The following KDM2B variants were observed in gnomAD, a reference collection of about 807,000 sequenced individuals.
KDM2B encodes the protein lysine demethylase 2B, also known as lysine-specific demethylase 2B.
In KDM2B, 26 loss-of-function variants were observed where a neutral mutation model predicts 150.0. The ratio of observed to expected loss-of-function variants is 0.17; its 90% CI spans 0.13 to 0.24. The LOEUF (loss-of-function observed/expected upper bound fraction) is 0.24, where lower values mean the gene tolerates loss of function less well. KDM2B is among the 10% of genes least tolerant of loss of function. KDM2B has a pLI of 1.00. For synonymous variants in KDM2B, 734 were observed against 729.5 expected (o/e 1.01, Z -0.10); for missense variants, 1,265 against 1,816.9 (o/e 0.70, Z 5.52).
At chr12:121,567,446 C>A (rs575704429) in intron 4 of KDM2B, among the ~76,000 whole-genome samples, 2 of 152,120 alleles carry the variant, frequency 1.3e-5, no homozygotes, top group East Asian at 1.9e-4. Flanking sequence ...CTGTGGCTCA[C>A]GCATGCAATT....
chr12:121,561,525 C>T (rs1374036685), intron 4 of KDM2B, among the ~76,000 whole-genome samples: 2 of 152,120 alleles, frequency 1.3e-5, no homozygotes, highest in South Asian at 2.1e-4. Context: ...TGCACCATGG[C>T]GCCTGGCCCC....
intron 14 of KDM2B, 76 bp from the exon 15 acceptor site, chr12:121,444,612 C>G (rs545411740): frequency 4.0e-6 from 5 of 1,239,386 alleles, no homozygotes; most frequent in Non-Finnish European, 5.9e-6. Context: ...TGTGACGCCA[C>G]GTCTTCCAGA....
In KDM2B at chr12:121,453,738, G is replaced by A. The variant is rs557845004; in HGVS notation, c.1735-394C>T. On this transcript the variant is annotated intron_variant, in intron 12 of 22. Transcript: ENST00000377071. The surrounding 1 kb of genome is among the most constrained non-coding windows in gnomAD (Gnocchi z 6.4). Reference sequence around the variant, plus strand: ...GGGGAAGGACCCTCCCCTAGAGCCCGCAGAGCCAGCCCGGCCCGCCAGCCC... The same window carrying A: ...GGGGAAGGACCCTCCCCTAGAGCCCACAGAGCCAGCCCGGCCCGCCAGCCC... Among the ~76,000 whole-genome samples the A allele has an allele frequency of 1.4e-3, 217 of 152,254 alleles. 1 individual carries two copies. The highest frequency in any genetic ancestry group is 4.1e-3 in the Admixed American group (62 of 15,300).
chr12:121,475,190 GT>G (rs1555296536), intron 12 of KDM2B, among the ~76,000 whole-genome samples: 359 of 131,718 alleles, frequency 2.7e-3, no homozygotes, highest in Middle Eastern at 0.015. Flanking sequence ...CTCTGTGTGT[GT>G]GTGTGTGTGT....
chr12:121,544,931 A>C (rs115169614), intron 6 of KDM2B, among the ~76,000 whole-genome samples: 7,383 of 152,156 alleles, frequency 0.049, 311 homozygotes, highest in South Asian at 0.15. Flanking sequence ...AAAATTAAAA[A>C]ATTTTTAAAA....
intron 11 of KDM2B, 129 bp downstream of exon 11, chr12:121,509,438 C>A: frequency 2.0e-6 from 3 of 1,470,238 alleles, no homozygotes; most frequent in Non-Finnish European, 2.7e-6. Context: ...GAAGCCCCCT[C>A]GCAGCGCCCA....
At chr12:121,444,699 G>A in intron 14 of KDM2B, 163 bp from the exon 15 acceptor site, 1 of 654,572 alleles carries the variant, frequency 1.5e-6, no homozygotes, top group East Asian at 2.7e-5. Context: ...GAGGCTGGCA[G>A]AGACGGGCAG....
intron 13 of KDM2B, among the ~76,000 whole-genome samples, chr12:121,449,761 C>T (rs1555291146): frequency 6.6e-6 from 1 of 151,686 alleles, no homozygotes; most frequent in Non-Finnish European, 1.5e-5. Context: ...AAAAAATGCA[C>T]ATCCATGCAT....
At chr12:121,543,109 C>T (rs1274057044) in intron 6 of KDM2B, among the ~76,000 whole-genome samples, 1 of 152,148 alleles carries the variant, frequency 6.6e-6, no homozygotes, top group Non-Finnish European at 1.5e-5. Context: ...AATCCCAGCA[C>T]GTTGGGAGGC....
At chr12:121,551,064 C>A (rs960872044) in intron 4 of KDM2B, among the ~76,000 whole-genome samples, 1 of 152,072 alleles carries the variant, frequency 6.6e-6, no homozygotes, top group Non-Finnish European at 1.5e-5. Flanking sequence ...TACTCTCTGG[C>A]ACTTAACAGA....
chr12:121,485,947 T>C (rs1362339540), intron 12 of KDM2B, among the ~76,000 whole-genome samples: 9 of 151,570 alleles, frequency 5.9e-5, no homozygotes, highest in Non-Finnish European at 1.0e-4. Flanking sequence ...TGGCTAATTT[T>C]TGTATTTTTA....
intron 8 of KDM2B, among the ~76,000 whole-genome samples, chr12:121,531,768 T>C (rs1212024231): frequency 6.6e-6 from 1 of 152,088 alleles, no homozygotes; most frequent in Non-Finnish European, 1.5e-5. Flanking sequence ...TGATTTAACC[T>C]CCAAAGTACA....
Position 121,521,781 on chromosome 12 carries a change from A to G in KDM2B, c.932-681T>C, listed in dbSNP as rs1886707780. On this transcript the variant is annotated intron_variant, in intron 8 of 22. Transcript: ENST00000377071. The surrounding 1 kb of genome is among the most constrained non-coding windows in gnomAD (Gnocchi z 4.9). The stretch of plus-strand genomic sequence containing the variant: ...CAGTTTTTCATCTCTCCAAACTCCT[A>G]GCCTGGAGCCAGACACAGTCACCAT... Among the ~76,000 whole-genome samples, 1 of 152,034 alleles carries G rather than the reference A, an allele frequency of 6.6e-6. No individual in the cohort carries two copies. Among genetic ancestry groups the G allele is most frequent in the Non-Finnish European group, 1.5e-5 (1 of 68,006 alleles).
rs1888204782 is a variant in KDM2B, at chr12:121,537,227, C to CCCCGCT, written c.684-2643_684-2638dup. 2 of 153,008 alleles carry CCCCGCT rather than the reference C, an allele frequency of 1.3e-5. No homozygotes were observed. The highest frequency in any genetic ancestry group is 6.5e-5 in the Admixed American group (1 of 15,296). 9.5% of individuals were successfully genotyped at this position (153,008 alleles called of 1,614,324 possible). ...TCCGGCCCCTGCAGCGACAGGCCACCCCCGCTCCCGCCCCGCGCTGGCTCC... is the reference window on the plus strand; with the variant it reads ...TCCGGCCCCTGCAGCGACAGGCCACCCCCGCTCCCGCTCCCGCCCCGCGCTGGCTCC... On this transcript the variant is annotated intron_variant, in intron 6 of 22. Transcript: ENST00000377071. This position sits in a 1 kb window ranked among gnomAD's most constrained non-coding sequence, Gnocchi z 8.7.
intron 6 of KDM2B, among the ~76,000 whole-genome samples, chr12:121,546,100 T>C (rs1889017226): frequency 6.6e-6 from 1 of 152,180 alleles, no homozygotes; most frequent in Admixed American, 6.6e-5. Flanking sequence ...CTGTGATTAC[T>C]GGATTTACAT....
chr12:121,533,586 G>A lies in KDM2B; in HGVS notation c.778-627C>T, dbSNP rs1440328093. ...CAGTGCAAAATGTTCCTAGAGGCAG[G>A]TGGTGCTGGCAACTAGACTTTAAAG... On this transcript the variant is annotated intron_variant, in intron 7 of 22. Transcript: ENST00000377071. The surrounding 1 kb of genome is among the most constrained non-coding windows in gnomAD (Gnocchi z 4.1). Among the ~76,000 whole-genome samples, 1 of 152,192 alleles carries A rather than the reference G, an allele frequency of 6.6e-6. No homozygotes were observed. Among genetic ancestry groups the A allele is most frequent in the Admixed American group, 6.5e-5 (1 of 15,280 alleles).
intron 11 of KDM2B, among the ~76,000 whole-genome samples, chr12:121,503,554 C>T (rs978411789): frequency 6.6e-6 from 1 of 152,120 alleles, no homozygotes; most frequent in African/African-American, 2.4e-5. Flanking sequence ...TCCAGCCACC[C>T]TCCCACTTTG....
At chr12:121,480,538 G>T (rs1446323314) in intron 12 of KDM2B, among the ~76,000 whole-genome samples, 1 of 143,800 alleles carries the variant, frequency 7.0e-6, no homozygotes, top group African/African-American at 2.6e-5. Context: ...TTGAGCTCTG[G>T]AGTTCAAGAC....
At chr12:121,516,728 G>C in intron 9 of KDM2B, 1 of 638,430 alleles carries the variant, frequency 1.6e-6, no homozygotes, top group South Asian at 1.8e-5. Context: ...GGAGGTCCAA[G>C]TCATCTTCAA....
Sources: gnomAD v4.1 joint callset for allele counts (sites outside exome capture counted in the v4.1 genomes callset) on GRCh38, gnomAD v4.1.1 for gene constraint, Gnocchi (gnomAD v3.1) non-coding constraint, MANE v1.5 for transcripts, NCBI Gene and HGNC (gene_info 2026-07-23, HGNC 2026-07-21) for gene names.